Variants in ALLC observed in about 807,000 individuals in gnomAD.
ALLC encodes the protein probable inactive allantoicase.
A neutral mutation model predicts 45.0 loss-of-function variants in ALLC; 40 were observed. The observed-to-expected ratio is 0.89, with a 90% confidence interval of 0.69 to 1.16. The LOEUF (loss-of-function observed/expected upper bound fraction) is 1.16, where lower values mean the gene tolerates loss of function less well. Among genes scored for constraint, ALLC ranks in the 50% most tolerant of loss-of-function variants. ALLC has a pLI of 0.00. For synonymous variants in ALLC, 176 were observed against 178.1 expected (o/e 0.99, Z 0.09); for missense variants, 488 against 493.1 (o/e 0.99, Z 0.10).
At chr2:3,657,138 T>TA, upstream of ALLC, among the ~76,000 whole-genome samples, 1 of 152,046 alleles carries the variant, frequency 6.6e-6, no homozygotes, top group South Asian at 2.1e-4. Context: ...GACAGATGTG[T>TA]AAACATGGAC....
chr2:3,651,415 G>GCA, the ALLC span, among the ~76,000 whole-genome samples: 8 of 54,082 alleles, frequency 1.5e-4, no homozygotes, highest in East Asian at 2.8e-4. Context: ...GTGTGTGTGT[G>GCA]TGTGTGTGTG....
At chr2:3,677,956 T>C (rs1268982801) in intron 3 of ALLC, among the ~76,000 whole-genome samples, 2 of 152,128 alleles carry the variant, frequency 1.3e-5, no homozygotes, top group African/African-American at 4.8e-5. Context: ...GATGAAGAAG[T>C]GTGCTCAGCT....
At chr2:3,653,610 C>T (rs533452538), upstream of ALLC, among the ~76,000 whole-genome samples, 2 of 152,170 alleles carry the variant, frequency 1.3e-5, no homozygotes, top group East Asian at 1.9e-4. The surrounding 1 kb of genome is among the most constrained non-coding windows in gnomAD (Gnocchi z 4.1). Flanking sequence ...CAGTGGGTGT[C>T]GAGAAGACAG....
intron 7 of ALLC, chr2:3,694,813 C>A (rs1667618499): frequency 6.6e-6 from 1 of 152,172 alleles, no homozygotes; most frequent in African/African-American, 2.4e-5. Context: ...TGTTTTAGTA[C>A]AATATTTTGA....
rs995024138 is a variant in ALLC at position 3,685,396 on chromosome 2, G to T, written c.511+2322G>T. Among the ~76,000 whole-genome samples the T allele has an allele frequency of 4.0e-5, 6 of 150,906 alleles. No homozygotes were observed. In the East Asian group the frequency reaches 1.2e-3, roughly 30 times the overall value. On this transcript the variant is annotated intron_variant, in intron 7 of 11. Coordinates refer to ENST00000252505, the MANE Select transcript of ALLC (RefSeq NM_018436.4). ...TACAATCATGGCAGAAAGAGAAGGCGAAGCAAGGCATGTCTTACATGGCAG... is the reference window on the plus strand; with the variant it reads ...TACAATCATGGCAGAAAGAGAAGGCTAAGCAAGGCATGTCTTACATGGCAG...
intron 3 of ALLC, among the ~76,000 whole-genome samples, chr2:3,678,032 TG>T (rs1230397175): frequency 9.2e-5 from 14 of 152,182 alleles, no homozygotes; most frequent in Non-Finnish European, 4.4e-5. Context: ...GAGTGTGCTG[TG>T]TGGTTTCACC....
chr2:3,667,889 C>T (rs776354647), intron 1 of ALLC, among the ~76,000 whole-genome samples: 1 of 152,194 alleles, frequency 6.6e-6, no homozygotes, highest in Non-Finnish European at 1.5e-5. Flanking sequence ...CTCAGCCTCC[C>T]GAGTAGCTGG....
Position 3,674,061 on chromosome 2 carries a change from C to A in ALLC, c.34-14C>A, listed in dbSNP as rs917098467. On this transcript the variant is annotated splice_polypyrimidine_tract_variant and intron_variant, in intron 2 of 11. Transcript: ENST00000252505. ...ATGGTTGCTTTATCTTTCTTTCTTT[C>A]TTTCTTTGTCTAGATTTTATTTGCA... 3 of 1,531,372 alleles carry A rather than the reference C, an allele frequency of 2.0e-6. No individual in the cohort carries two copies. Among genetic ancestry groups the A allele is most frequent in the Admixed American group, 2.0e-5 (1 of 50,342 alleles). 94.9% of individuals were successfully genotyped at this position (1,531,372 alleles called of 1,614,324 possible). A position where few individuals can be genotyped will look rare whatever the true frequency, so the allele number is the denominator to read the frequency against.
At chr2:3,649,757 C>T in the ALLC span, among the ~76,000 whole-genome samples, 50 of 152,354 alleles carry the variant, frequency 3.3e-4, 2 homozygotes, top group East Asian at 7.0e-3. Flanking sequence ...ACACAGGGAC[C>T]GGGCAGACAC....
intron 1 of ALLC, among the ~76,000 whole-genome samples, chr2:3,669,473 C>CA (rs34182509): frequency 9.3e-5 from 14 of 151,192 alleles, no homozygotes; most frequent in South Asian, 4.2e-4. Flanking sequence ...GACTCCGTCT[C>CA]AAAAAAAACC....
At chr2:3,699,170 C>T (rs60852959) in intron 10 of ALLC, among the ~76,000 whole-genome samples, 18,061 of 152,072 alleles carry the variant, frequency 0.12, 1,267 homozygotes, top group African/African-American at 0.19. Context: ...TGCCTGATCT[C>T]CCTCCTCCCA....
intron 1 of ALLC, among the ~76,000 whole-genome samples, chr2:3,666,083 C>T (rs1303747871): frequency 6.6e-6 from 1 of 152,202 alleles, no homozygotes; most frequent in East Asian, 1.9e-4. Context: ...CACAAAAGGC[C>T]AGCCTGCACC....
At chr2:3,646,265 T>C in the ALLC span, among the ~76,000 whole-genome samples, 1 of 152,190 alleles carries the variant, frequency 6.6e-6, no homozygotes, top group Non-Finnish European at 1.5e-5. Flanking sequence ...CCTGAACCCC[T>C]GAAGGGAGTG....
chr2:3,653,058 C>T, the ALLC span, among the ~76,000 whole-genome samples: 2 of 152,218 alleles, frequency 1.3e-5, no homozygotes, highest in African/African-American at 2.4e-5. The surrounding 1 kb of genome is among the most constrained non-coding windows in gnomAD (Gnocchi z 4.1). Context: ...GGAGGCCTGT[C>T]TGCAGCCTGC....
chr2:3,701,687 T>G (rs933463974), intron 11 of ALLC, 51 bp downstream of exon 11: 52 of 1,548,780 alleles, frequency 3.4e-5, no homozygotes, highest in Non-Finnish European at 4.5e-5. Flanking sequence ...GCTATTTCCC[T>G]AAGATTCTCT....
chr2:3,676,276 A>C (rs1667022609), intron 3 of ALLC, among the ~76,000 whole-genome samples: 1 of 152,074 alleles, frequency 6.6e-6, no homozygotes, highest in Non-Finnish European at 1.5e-5. Context: ...AGCATTCTGC[A>C]CACTTTTTTT....
chr2:3,682,750 C>T (rs6725953), intron 6 of ALLC, among the ~76,000 whole-genome samples, 192 bp from the exon 7 acceptor site: 47,609 of 152,072 alleles, frequency 0.31, 7,912 homozygotes, highest in Middle Eastern at 0.4. Flanking sequence ...TGGTCTCGAT[C>T]TCCTGACCTT....
intron 4 of ALLC, among the ~76,000 whole-genome samples, 191 bp downstream of exon 4, chr2:3,678,746 C>T (rs556671557): frequency 5.9e-5 from 9 of 152,262 alleles, no homozygotes; most frequent in East Asian, 1.9e-4. Flanking sequence ...GGGTCACTGA[C>T]GTCCCACCAG....
intron 10 of ALLC, 123 bp from the exon 11 acceptor site, chr2:3,701,389 C>T: frequency 8.1e-7 from 1 of 1,238,124 alleles, no homozygotes; most frequent in Non-Finnish European, 1.1e-6. Context: ...TTTGCTTTTG[C>T]TCAGGAAGAG....
Sources: allele counts gnomAD v4.1 joint callset (sites outside exome capture counted in the v4.1 genomes callset), GRCh38; gene constraint gnomAD v4.1.1; non-coding constraint Gnocchi (gnomAD v3.1); transcripts MANE v1.5; gene names NCBI Gene and HGNC (gene_info 2026-07-23, HGNC 2026-07-21).